SRPRB: variants seen among roughly 807,000 people sequenced by gnomAD.
The protein encoded by SRPRB is SRP receptor subunit beta, also known as signal recognition particle receptor subunit beta.
In SRPRB, 20 loss-of-function variants were observed where a neutral mutation model predicts 31.9. The observed-to-expected ratio is 0.63, with a 90% CI of 0.44 to 0.91. The LOEUF is 0.91. Among genes scored for constraint, SRPRB ranks in the 40% least tolerant of loss-of-function variants. The probability of loss-of-function intolerance (pLI) is 0.00; values close to 1 mark genes in which losing one functional copy is unlikely to be tolerated. For missense variants in SRPRB, 321 were observed against 324.9 expected, an observed-to-expected ratio of 0.99 and a Z score of 0.09; for synonymous variants, 146 against 132.8, an observed-to-expected ratio of 1.10 and a Z score of -0.68.
chr3:133,819,908 C>A lies in SRPRB; in HGVS notation c.*142C>A, dbSNP rs1017708079. 5.5e-6 allele frequency: 4 copies of A among 730,976 alleles called. No homozygotes were observed. Among genetic ancestry groups the A allele is most frequent in the South Asian group, 2.0e-5 (1 of 49,382 alleles). 45.3% of individuals were successfully genotyped at this position (730,976 alleles called of 1,614,324 possible). A position where few individuals can be genotyped will look rare whatever the true frequency, so the allele number is the denominator to read the frequency against. ...TTCTGGAAACAAAGTACTGTTGAAA[C>A]CAGCTTGGAATTTTTTTTTTTTTTT... On this transcript the variant is annotated 3_prime_UTR_variant, in exon 7 of 7. Coordinates refer to ENST00000678299, the MANE Select transcript of SRPRB (RefSeq NM_001379313.1).
chr3:133,822,269 T>G (rs1350246820), downstream of SRPRB, among the ~76,000 whole-genome samples: 1 of 151,722 alleles, frequency 6.6e-6, no homozygotes, highest in Non-Finnish European at 1.5e-5. Flanking sequence ...GGACAGCAGC[T>G]GCCTAATGCA....
chr3:133,792,900 C>T (rs190753103), intron 1 of SRPRB: 3 of 152,156 alleles, frequency 2.0e-5, no homozygotes, highest in Non-Finnish European at 2.9e-5. Context: ...AAAATAAAAG[C>T]ACAAACAGGG....
At chr3:133,827,736 T>C (rs1935588376), downstream of SRPRB, 2 of 521,786 alleles carry the variant, frequency 3.8e-6, no homozygotes, top group Non-Finnish European at 7.0e-6. Context: ...GTGGTGGTTC[T>C]GCAGACAACA....
At chr3:133,790,027 G>T (rs902561267) in intron 1 of SRPRB, 6 of 151,846 alleles carry the variant, frequency 4.0e-5, no homozygotes, top group Admixed American at 1.3e-4. Context: ...TCAAAATGTG[G>T]TTAACAGGGA....
At chr3:133,828,085 GAGA>G (rs1935600407), downstream of SRPRB, 1 of 670,886 alleles carries the variant, frequency 1.5e-6, no homozygotes, top group Non-Finnish European at 2.7e-6. Context: ...TTCAGGGAAA[GAGA>G]AGGAGAGGTG....
chr3:133,806,657 T>G lies in SRPRB; in HGVS notation c.203T>G (p.Leu68Arg). ...AGAAGGAGCAGTCAGAGAGCTGTTC[T>G]TCTTGTTGGCCTTTGTGATTCCGGG... ...RSRRSSQRAV[L>R]LVGLCDSGKT... The change falls in exon 2 of 7, where the codon CTT (leucine) becomes CGT (arginine). Residue 68 changes from leucine to arginine, a missense_variant. Leu to Arg is a moderately radical substitution (Grantham distance 102). Transcript: ENST00000678299. The G allele has an allele frequency of 6.2e-7, 1 of 1,614,208 alleles. No homozygotes were observed. Among genetic ancestry groups the G allele is most frequent in the Non-Finnish European group, 8.5e-7 (1 of 1,180,012 alleles).
intron 4 of SRPRB, among the ~76,000 whole-genome samples, chr3:133,813,974 TC>T (rs1457760310): frequency 6.6e-6 from 1 of 152,204 alleles, no homozygotes; most frequent in Non-Finnish European, 1.5e-5. Context: ...GCCCGCTGTT[TC>T]TAAGGGAACT....
chr3:133,800,159 C>T (rs7641956), intron 1 of SRPRB, among the ~76,000 whole-genome samples: 2,482 of 152,292 alleles, frequency 0.016, 55 homozygotes, highest in African/African-American at 0.056. Flanking sequence ...CATTTGTTCT[C>T]TGTGCTGCTC....
rs557086942 is a variant in SRPRB, at chr3:133,805,862, A to G, written c.14A>G (p.Asp5Gly). The change falls in exon 1 of 7, where the codon GAC becomes GGC. Residue 5 changes from aspartate to glycine, a missense_variant. Coordinates refer to ENST00000678299, the MANE Select transcript of SRPRB (RefSeq NM_001379313.1). Reference sequence around the variant, plus strand: ...CGCGTCTCATCCATGGCTTCCGCGGACTCGCGCCGGGTGGCAGATGGCGGC... The same window carrying G: ...CGCGTCTCATCCATGGCTTCCGCGGGCTCGCGCCGGGTGGCAGATGGCGGC... Reference protein sequence around the residue: MASADSRRVADGGGA... With the variant: MASAGSRRVADGGGA... 2.1e-4 allele frequency: 340 copies of G among 1,611,430 alleles called. 3 individuals are homozygous for G. The South Asian group carries it at 3.7e-3, about 17-fold the overall frequency.
intron 1 of SRPRB, chr3:133,787,840 G>A (rs1934725683): frequency 6.6e-6 from 1 of 152,198 alleles, no homozygotes. Context: ...TAAAGAGGTT[G>A]CCAATGTATG....
At chr3:133,827,746 A>AGCCCCC, downstream of SRPRB, 1 of 72,114 alleles carries the variant, frequency 1.4e-5, no homozygotes, top group South Asian at 1.2e-4. Flanking sequence ...TGCAGACAAC[A>AGCCCCC]CCCCCCCCCC....
chr3:133,806,115 G>T, intron 1 of SRPRB, 113 bp downstream of exon 1: 1 of 1,413,784 alleles, frequency 7.1e-7, no homozygotes. Flanking sequence ...AGGGCATCAG[G>T]AGGGTGAGAC....
Sources: allele counts gnomAD v4.1 joint callset (sites outside exome capture counted in the v4.1 genomes callset), GRCh38; gene constraint gnomAD v4.1.1; transcripts MANE v1.5; gene names NCBI Gene and HGNC (gene_info 2026-07-23, HGNC 2026-07-21).